The following PKHD1 variants were observed in gnomAD, a reference collection of about 807,000 sequenced individuals.
PKHD1 encodes fibrocystin.
A neutral mutation model predicts 412.0 loss-of-function variants in PKHD1; 291 were observed. That is an observed-to-expected ratio of 0.71 (90% CI 0.64 to 0.78). The LOEUF is 0.78. PKHD1 is among the 30% of genes least tolerant of loss of function. The pLI is 0.00. For missense variants in PKHD1, 4,825 were observed against 4,950.7 expected, an observed-to-expected ratio of 0.97 and a Z score of 0.76; for synonymous variants, 1,777 against 1,821.5, an observed-to-expected ratio of 0.98 and a Z score of 0.62.
At chr6:52,050,977 C>G (rs1806749835) in intron 21 of PKHD1, among the ~76,000 whole-genome samples, 1 of 152,216 alleles carries the variant, frequency 6.6e-6, no homozygotes, top group Non-Finnish European at 1.5e-5. Context: ...TATCAACATC[C>G]TTTTAGCTTC....
Position 51,627,066 on chromosome 6 carries a change from G to T in PKHD1, c.11716C>A (p.His3906Asn). 6.2e-7 allele frequency: 1 copy of T among 1,609,876 alleles called. No homozygotes were observed. The highest frequency in any genetic ancestry group is 8.5e-7 in the Non-Finnish European group (1 of 1,176,276). The change falls in exon 66 of 67, where the codon CAT becomes AAT. Residue 3906 changes from histidine to asparagine, a missense_variant. By Grantham distance (68) the His-to-Asn change is moderately conservative (BLOSUM62 1). Transcript: ENST00000371117. ...PESQTNNQNI[H>N]IHISSKRRES... Reference sequence around the variant, plus strand: ...CGGCGTTTGGATGAGATGTGGATATGAATATTTTGATTATTAGTCTGGGAT... The same window carrying T: ...CGGCGTTTGGATGAGATGTGGATATTAATATTTTGATTATTAGTCTGGGAT...
chr6:51,728,645 A>G (rs1474697464), intron 60 of PKHD1, among the ~76,000 whole-genome samples: 1 of 152,228 alleles, frequency 6.6e-6, no homozygotes, highest in African/African-American at 2.4e-5. Flanking sequence ...AGAAAGAAAC[A>G]CAATCCTGCC....
intron 12 of PKHD1, among the ~76,000 whole-genome samples, chr6:52,065,488 C>A (rs1809552763): frequency 6.6e-6 from 1 of 152,062 alleles, no homozygotes; most frequent in South Asian, 2.1e-4. Flanking sequence ...TCACCAACTA[C>A]AGAGGCATCC....
In PKHD1 at chr6:51,811,069, C is replaced by T. The variant is rs540502492; in HGVS notation, c.8303-19696G>A. 6.6e-5 allele frequency among the ~76,000 whole-genome samples: 10 copies of T among 152,168 alleles called. No homozygotes were observed. In the East Asian group the frequency reaches 1.5e-3, roughly 24 times the overall value. ...CCTTTAATTTTCTTCTTTGTGCCAC[C>T]TTTATCTAATTATATAATCAATCCT... On this transcript the variant is annotated intron_variant, in intron 52 of 66. Transcript: ENST00000371117.
intron 37 of PKHD1, among the ~76,000 whole-genome samples, chr6:51,927,983 G>GGA (rs1785948599): frequency 1.3e-5 from 2 of 152,200 alleles, no homozygotes; most frequent in South Asian, 4.2e-4. Context: ...ATCTTAGGAG[G>GGA]GAGACTCAAT....
rs148439293 is a variant in PKHD1, at chr6:52,005,794, G to A, written c.5751+4515C>T. Among the ~76,000 whole-genome samples, 177 of 151,968 alleles carry A rather than the reference G, an allele frequency of 1.2e-3. 4 individuals are homozygous for A. Among genetic ancestry groups the A allele is most frequent in the African/African-American group, 2.9e-3 (121 of 41,438 alleles). ...CTAGAAATCCACATTATGTATTCAC[G>A]TATTGAAGGATCGCAAAAGTCCTTT... is the stretch of plus-strand genomic sequence containing the variant. On this transcript the variant is annotated intron_variant, in intron 35 of 66. Transcript: ENST00000371117.
At chr6:51,980,872 A>G (rs1795053110) in intron 35 of PKHD1, among the ~76,000 whole-genome samples, 1 of 152,198 alleles carries the variant, frequency 6.6e-6, no homozygotes, top group Non-Finnish European at 1.5e-5. Flanking sequence ...TCTATGAACA[A>G]TAACAATACA....
Position 51,761,229 on chromosome 6 carries a change from G to A in PKHD1, c.8643-6291C>T, listed in dbSNP as rs910893927. Among the ~76,000 whole-genome samples the A allele has an allele frequency of 1.2e-4, 19 of 152,166 alleles. No individual in the cohort carries two copies. The East Asian group carries it at 3.3e-3, about 26-fold the overall frequency. ...AAAATGCAGTATACACATACACTCT[G>A]GAATACTATTCAGCCTTTAAAAAGA... On this transcript the variant is annotated intron_variant, in intron 55 of 66. Transcript: ENST00000371117.
intron 35 of PKHD1, among the ~76,000 whole-genome samples, chr6:52,006,693 T>A (rs914253572): frequency 6.6e-6 from 1 of 152,160 alleles, no homozygotes; most frequent in Non-Finnish European, 1.5e-5. Flanking sequence ...TATATTTTTT[T>A]AATTTTTTAT....
At chr6:51,779,524 T>C (rs11752370) in intron 53 of PKHD1, among the ~76,000 whole-genome samples, 21,924 of 152,122 alleles carry the variant, frequency 0.14, 1,730 homozygotes, top group African/African-American at 0.21. Context: ...AGAAACTATG[T>C]ATTCCCAGCA....
At chr6:52,002,484 C>T (rs1798554310) in intron 35 of PKHD1, among the ~76,000 whole-genome samples, 1 of 152,214 alleles carries the variant, frequency 6.6e-6, no homozygotes, top group African/African-American at 2.4e-5. Flanking sequence ...AGCCTCATTT[C>T]AGGGAGAAAA....
chr6:52,056,809 G>A, intron 17 of PKHD1, 21 bp from the exon 18 acceptor site: 1 of 1,599,056 alleles, frequency 6.3e-7, no homozygotes, highest in Non-Finnish European at 8.6e-7. Flanking sequence ...GGAAAAAAAT[G>A]CCAGGAATTT....
At chr6:51,720,296 T>C (rs560718507) in intron 60 of PKHD1, among the ~76,000 whole-genome samples, 2 of 152,248 alleles carry the variant, frequency 1.3e-5, no homozygotes, top group East Asian at 3.9e-4. Flanking sequence ...ATCAGTCTCC[T>C]CTGCAAAGAA....
At chr6:51,695,899 G>A (rs1162892279) in intron 60 of PKHD1, among the ~76,000 whole-genome samples, 2 of 152,284 alleles carry the variant, frequency 1.3e-5, no homozygotes, top group East Asian at 1.9e-4. Flanking sequence ...ACGAAGAGCA[G>A]AAGAAAAATG....
intron 57 of PKHD1, among the ~76,000 whole-genome samples, chr6:51,751,541 C>T (rs997307202): frequency 2.0e-5 from 3 of 152,176 alleles, no homozygotes; most frequent in African/African-American, 7.2e-5. Context: ...TCTCTCTATA[C>T]TACCTTTGCA....
intron 61 of PKHD1, among the ~76,000 whole-genome samples, chr6:51,657,803 T>C (rs1772135324): frequency 1.3e-5 from 2 of 152,144 alleles, no homozygotes; most frequent in African/African-American, 2.4e-5. Context: ...CTTTTCTCTG[T>C]TTCTAGTTAA....
At chr6:51,850,709 T>G (rs142065154) in intron 49 of PKHD1, among the ~76,000 whole-genome samples, 216 of 152,324 alleles carry the variant, frequency 1.4e-3, no homozygotes, top group Non-Finnish European at 1.2e-3. Flanking sequence ...ATTGTTGGTG[T>G]AAAGGAATGC....
At chr6:51,723,544 G>A (rs566135197) in intron 60 of PKHD1, among the ~76,000 whole-genome samples, 26 of 152,216 alleles carry the variant, frequency 1.7e-4, no homozygotes, top group Non-Finnish European at 3.5e-4. Flanking sequence ...TTTTAAGAAA[G>A]CTGGGAAAAT....
At chr6:51,989,316 T>G (rs1796589126) in intron 35 of PKHD1, among the ~76,000 whole-genome samples, 1 of 152,246 alleles carries the variant, frequency 6.6e-6, no homozygotes, top group African/African-American at 2.4e-5. Flanking sequence ...CTGCAAAACA[T>G]GTTTCAAGGC....
Sources: gnomAD v4.1 joint callset for allele counts (sites outside exome capture counted in the v4.1 genomes callset) on GRCh38, gnomAD v4.1.1 for gene constraint, MANE v1.5 for transcripts, NCBI Gene and HGNC (gene_info 2026-07-23, HGNC 2026-07-21) for gene names.